CACNA1B: variants seen among roughly 807,000 people sequenced by gnomAD.
CACNA1B encodes voltage-dependent N-type calcium channel subunit alpha-1B.
Under a neutral mutation model 247.2 loss-of-function variants are expected in CACNA1B, and 70 were observed. The ratio of observed to expected loss-of-function variants is 0.28; its 90% CI spans 0.23 to 0.35. CACNA1B has a LOEUF of 0.35. Among genes scored for constraint, CACNA1B ranks in the 10% least tolerant of loss-of-function variants. The pLI, the probability that CACNA1B is intolerant of heterozygous loss-of-function variation, is 1.00. For missense variants in CACNA1B, 2,367 were observed against 3,197.4 expected, an observed-to-expected ratio of 0.74 and a Z score of 6.26; for synonymous variants, 1,231 against 1,294.4, an observed-to-expected ratio of 0.95 and a Z score of 1.05.
chr9:138,057,931 C>T lies in CACNA1B; in HGVS notation c.4106+62C>T, dbSNP rs1018769433. ...CAGCCCCTGAGCTCGGCCTCCCTTC[C>T]TCCCTCTATCCCTGGGCTCAGGCAT... is the stretch of plus-strand genomic sequence containing the variant. On this transcript the variant is annotated intron_variant, in intron 27 of 46. Coordinates refer to ENST00000371372, the MANE Select transcript of CACNA1B (RefSeq NM_000718.4). This position sits in a 1 kb window ranked among gnomAD's most constrained non-coding sequence, Gnocchi z 4.0. 1.3e-6 allele frequency: 2 copies of T among 1,577,958 alleles called. No homozygotes were observed. The highest frequency in any genetic ancestry group is 1.3e-5 in the African/African-American group (1 of 74,312).
chr9:137,930,341 C>T (rs184523374), intron 6 of CACNA1B, among the ~76,000 whole-genome samples: 4 of 152,268 alleles, frequency 2.6e-5, no homozygotes, highest in Admixed American at 2.0e-4. Flanking sequence ...GAAATTTCCT[C>T]TTTGACCTAT....
chr9:138,090,688 C>T (rs546941459), intron 36 of CACNA1B, among the ~76,000 whole-genome samples: 72 of 68,182 alleles, frequency 1.1e-3, no homozygotes, highest in African/African-American at 4.8e-3. Flanking sequence ...CAAGGTGAAA[C>T]TCAACCCATC....
chr9:138,014,232 G>A lies in CACNA1B; in HGVS notation c.2267+997G>A, dbSNP rs1166939399. On this transcript the variant is annotated intron_variant, in intron 18 of 46. Coordinates refer to ENST00000371372, the MANE Select transcript of CACNA1B (RefSeq NM_000718.4). This position sits in a 1 kb window ranked among gnomAD's most constrained non-coding sequence, Gnocchi z 6.2. The stretch of plus-strand genomic sequence containing the variant: ...ATGAGTGTGCTAGGTGTGTGTGTGT[G>A]CACTTGAGAGTTGCACAGTGAGCAT... Among the ~76,000 whole-genome samples the A allele has an allele frequency of 6.6e-6, 1 of 152,204 alleles. No homozygotes were observed. Among genetic ancestry groups the A allele is most frequent in the Non-Finnish European group, 1.5e-5 (1 of 68,034 alleles).
chr9:138,028,470 G>C (rs1958949264), intron 20 of CACNA1B, among the ~76,000 whole-genome samples: 1 of 152,156 alleles, frequency 6.6e-6, no homozygotes, highest in Non-Finnish European at 1.5e-5. Context: ...ATTGTTTCCT[G>C]ATTACCAGTT....
Position 137,919,371 on chromosome 9 carries a change from G to A in CACNA1B, c.966+1940G>A, listed in dbSNP as rs1359656223. On this transcript the variant is annotated intron_variant, in intron 6 of 46. Transcript: ENST00000371372. This position sits in a 1 kb window ranked among gnomAD's most constrained non-coding sequence, Gnocchi z 4.6. ...CAGGGTACTGGGAGGGCAAGGCCTG[G>A]TGAGGTCTAGAAACCAGACATGCAG... 1.3e-5 allele frequency among the ~76,000 whole-genome samples: 2 copies of A among 152,248 alleles called. No individual in the cohort carries two copies. The highest frequency in any genetic ancestry group is 2.9e-5 in the Non-Finnish European group (2 of 68,046).
chr9:138,071,513 C>G (rs1960132680), intron 32 of CACNA1B, among the ~76,000 whole-genome samples: 1 of 152,188 alleles, frequency 6.6e-6, no homozygotes. Context: ...ACATCTGTGG[C>G]TGCCGTCACC....
At chr9:137,894,009 T>C (rs946766079) in intron 3 of CACNA1B, among the ~76,000 whole-genome samples, 2 of 152,260 alleles carry the variant, frequency 1.3e-5, no homozygotes, top group African/African-American at 4.8e-5. Context: ...CTTAGATAAA[T>C]GAAGTCATAC....
At chr9:138,000,339 C>G (rs543878873) in intron 15 of CACNA1B, among the ~76,000 whole-genome samples, 513 of 152,262 alleles carry the variant, frequency 3.4e-3, no homozygotes, top group Non-Finnish European at 4.5e-3. Context: ...ACCTCGTGAT[C>G]AGCCCGCCTT....
chr9:137,908,494 C>T (rs1248070539), intron 3 of CACNA1B, among the ~76,000 whole-genome samples: 3 of 151,524 alleles, frequency 2.0e-5, no homozygotes, highest in Admixed American at 6.6e-5. Flanking sequence ...CCAGCCTGGG[C>T]GACAGAGTGA....
intron 36 of CACNA1B, among the ~76,000 whole-genome samples, chr9:138,094,457 A>AAAAAAAAAAAAAG (rs752912258): frequency 7.4e-6 from 1 of 134,836 alleles, no homozygotes; most frequent in Non-Finnish European, 1.6e-5. Flanking sequence ...AAAAAAAAAA[A>AAAAAAAAAAAAAG]AAGAAGAAGA....
Position 137,971,480 on chromosome 9 carries a change from C to G in CACNA1B, c.1431C>G (p.Arg477=), listed in dbSNP as rs750418523. The G allele has an allele frequency of 3.7e-6, 6 of 1,613,610 alleles. No individual in the cohort carries two copies. The South Asian group carries it at 5.5e-5, about 15-fold the overall frequency. The change falls in exon 11 of 47, where the codon CGC becomes CGG. Residue 477 remains arginine (R), a synonymous_variant. Transcript: ENST00000371372. The surrounding 1 kb of genome is among the most constrained non-coding windows in gnomAD (Gnocchi z 4.4). ...AGATGTTCCGGTTTTTTATCCGGCG[C>G]ATGGTGAAGGCTCAGAGCTTCTACT... ...KEKMFRFFIR[R]MVKAQSFYWV...
At chr9:138,082,602 A>G (rs1960560319) in intron 36 of CACNA1B, among the ~76,000 whole-genome samples, 1 of 151,370 alleles carries the variant, frequency 6.6e-6, no homozygotes, top group African/African-American at 2.4e-5. Context: ...CTAGGTACAG[A>G]GAAGCCTCTA....
chr9:138,073,396 A>G lies in CACNA1B; in HGVS notation c.4675-92A>G. The G allele has an allele frequency of 2.7e-6, 2 of 742,868 alleles. No homozygotes were observed. The highest frequency in any genetic ancestry group is 4.9e-6 in the Non-Finnish European group (2 of 411,396). The allele number at this position is 742,868 out of a possible 1,614,324, so 46.0% of individuals were successfully genotyped here. On this transcript the variant is annotated intron_variant, in intron 32 of 46. Transcript: ENST00000371372. The surrounding 1 kb of genome is among the most constrained non-coding windows in gnomAD (Gnocchi z 6.4). ...TTTTTAACCACTTTTCTTTGGGGCC[A>G]CAGGGATGTGGGAAGAGGTTGTAGG...
intron 6 of CACNA1B, among the ~76,000 whole-genome samples, chr9:137,942,350 C>G (rs1036594030): frequency 4.6e-5 from 7 of 152,138 alleles, no homozygotes; most frequent in African/African-American, 1.7e-4. Flanking sequence ...ATGCGGTGAA[C>G]AGGGAACAGT....
Position 138,113,379 on chromosome 9 carries a change from C to T in CACNA1B, c.5536+874C>T, listed in dbSNP as rs183447304. Among the ~76,000 whole-genome samples the T allele has an allele frequency of 6.5e-4, 96 of 148,130 alleles. 1 individual carries two copies. Among genetic ancestry groups the T allele is most frequent in the African/African-American group, 2.3e-3 (92 of 39,762 alleles). On this transcript the variant is annotated intron_variant, in intron 40 of 46. Transcript: ENST00000371372. ...AACTTGTGAGAGACGTGAGGGAGCA[C>T]GGGGAGGTGCCCAACTCCATCTTAT...
At chr9:138,103,347 C>T (rs1414338022) in intron 38 of CACNA1B, among the ~76,000 whole-genome samples, 1 of 152,150 alleles carries the variant, frequency 6.6e-6, no homozygotes, top group Non-Finnish European at 1.5e-5. Flanking sequence ...TCTCCAGGGA[C>T]TTTCTAGGCT....
intron 12 of CACNA1B, among the ~76,000 whole-genome samples, chr9:137,979,523 C>T (rs994335530): frequency 5.3e-5 from 8 of 152,000 alleles, no homozygotes; most frequent in Admixed American, 2.6e-4. Flanking sequence ...GTGACTGGGC[C>T]GGGGAGAGGA....
chr9:137,916,667 T>G (rs1957414690), intron 5 of CACNA1B, among the ~76,000 whole-genome samples: 1 of 152,216 alleles, frequency 6.6e-6, no homozygotes, highest in South Asian at 2.1e-4. Flanking sequence ...TCAAGTTAGA[T>G]CTGCGTGTCA....
At chr9:137,897,441 G>A (rs964262249) in intron 3 of CACNA1B, among the ~76,000 whole-genome samples, 2 of 151,936 alleles carry the variant, frequency 1.3e-5, no homozygotes, top group Non-Finnish European at 2.9e-5. Context: ...TTAGCCAGGC[G>A]TGGTGACGGG....
Sources: allele counts gnomAD v4.1 joint callset (sites outside exome capture counted in the v4.1 genomes callset), GRCh38; gene constraint gnomAD v4.1.1; non-coding constraint Gnocchi (gnomAD v3.1); transcripts MANE v1.5; gene names NCBI Gene and HGNC (gene_info 2026-07-23, HGNC 2026-07-21).